Variants in CRISPLD2 observed in about 807,000 individuals in gnomAD.
CRISPLD2 encodes cysteine-rich secretory protein LCCL domain-containing 2.
CRISPLD2 carries 47 observed loss-of-function variants against 71.1 expected under a neutral mutation model. The ratio of observed to expected loss-of-function variants is 0.66; its 90% CI spans 0.52 to 0.84. The LOEUF is 0.84. CRISPLD2 is among the 40% of genes least tolerant of loss of function. The probability of loss-of-function intolerance (pLI) is 0.00; values close to 1 mark genes in which losing one functional copy is unlikely to be tolerated. For missense variants in CRISPLD2, 830 were observed against 651.1 expected (o/e 1.27, Z -2.99); for synonymous variants, 317 against 250.1 (o/e 1.27, Z -2.52).
intron 12 of CRISPLD2, among the ~76,000 whole-genome samples, chr16:84,878,105 T>C (rs1335584990): frequency 6.6e-6 from 1 of 150,686 alleles, no homozygotes; most frequent in East Asian, 1.9e-4. Context: ...GCGCCTGTAT[T>C]CCCAGCTACT....
In CRISPLD2 at chr16:84,833,660, G is replaced by A. The variant is rs375392232; in HGVS notation, c.-74-4762G>A. Among the ~76,000 whole-genome samples, 24 of 152,316 alleles carry A rather than the reference G, an allele frequency of 1.6e-4. No individual in the cohort carries two copies. In the East Asian group the frequency reaches 2.7e-3, roughly 17 times the overall value. On this transcript the variant is annotated intron_variant, in intron 1 of 14. Coordinates refer to ENST00000262424, the MANE Select transcript of CRISPLD2 (RefSeq NM_031476.4). ...TGCAGGGGGCATCCATCTGCCAGAG[G>A]TCAGAGGTCAGAGATCAGCTCATCA...
chr16:84,869,890 G>T lies in CRISPLD2; in HGVS notation c.914+979G>T, dbSNP rs941554814. Among the ~76,000 whole-genome samples, 3 of 152,232 alleles carry T rather than the reference G, an allele frequency of 2.0e-5. No homozygotes were observed. In the South Asian group the frequency reaches 6.2e-4, roughly 32 times the overall value. On this transcript the variant is annotated intron_variant, in intron 8 of 14. Coordinates refer to ENST00000262424, the MANE Select transcript of CRISPLD2 (RefSeq NM_031476.4). ...TGGAAAAAGGTGAGCACGTATTGGA[G>T]AACATTCCTTGTCAGACAACATCGA...
chr16:84,897,244 G>A (rs1372841845), intron 14 of CRISPLD2, among the ~76,000 whole-genome samples: 1 of 148,102 alleles, frequency 6.8e-6, no homozygotes, highest in Non-Finnish European at 1.5e-5. Context: ...AGGAGTTCAA[G>A]ACCAGCTTGA....
intron 14 of CRISPLD2, among the ~76,000 whole-genome samples, chr16:84,889,908 A>G (rs1402164635): frequency 1.3e-5 from 2 of 151,992 alleles, no homozygotes; most frequent in Admixed American, 1.3e-4. Context: ...AGTCCAACAG[A>G]CCTGGGCCCT....
At chr16:84,889,825 T>C (rs2071646153) in intron 14 of CRISPLD2, among the ~76,000 whole-genome samples, 1 of 151,280 alleles carries the variant, frequency 6.6e-6, no homozygotes, top group Non-Finnish European at 1.5e-5. Context: ...GATCAAATGA[T>C]AGTTACATAC....
rs1239115398 is a variant in CRISPLD2 at position 84,838,667 on chromosome 16, G to A, written c.172G>A (p.Glu58Lys). ...AGCCATCCCCAGGGAGGACAAGGAG[G>A]AGATCCTCATGCTGCACAACAAGCT... ...RRAIPREDKE[E>K]ILMLHNKLRG... is the part of the protein sequence containing the mutation. The change falls in exon 2 of 15, where the codon GAG becomes AAG. Residue 58 changes from glutamate to lysine, a missense_variant. Physicochemically the swap from Glu to Lys is moderately conservative, Grantham distance 56. Coordinates refer to ENST00000262424, the MANE Select transcript of CRISPLD2 (RefSeq NM_031476.4). 6.2e-7 allele frequency: 1 copy of A among 1,614,114 alleles called. No individual in the cohort carries two copies. Among genetic ancestry groups the A allele is most frequent in the Non-Finnish European group, 8.5e-7 (1 of 1,180,054 alleles).
At chr16:84,858,740 G>A (rs182253767) in intron 6 of CRISPLD2, among the ~76,000 whole-genome samples, 2 of 152,228 alleles carry the variant, frequency 1.3e-5, no homozygotes, top group East Asian at 3.8e-4. Context: ...AAGATACATT[G>A]CTGGCCTTTC....
chr16:84,891,788 G>T (rs146090602), intron 14 of CRISPLD2, among the ~76,000 whole-genome samples: 2,019 of 152,092 alleles, frequency 0.013, 11 homozygotes, highest in South Asian at 0.037. Context: ...TGGAGAGAAG[G>T]CCCCCGAAGC....
In CRISPLD2 at chr16:84,906,791, G is replaced by A. The variant is rs756890289; in HGVS notation, c.*149G>A. On this transcript the variant is annotated 3_prime_UTR_variant, in exon 15 of 15. Transcript: ENST00000262424. ...CCATCACTTTGTGGCCTGTGGGTGA[G>A]GTGACATCTCATCCCCTCACTGAAG... 2 of 893,204 alleles carry A rather than the reference G, an allele frequency of 2.2e-6. No individual in the cohort carries two copies. Among genetic ancestry groups the A allele is most frequent in the Non-Finnish European group, 3.6e-6 (2 of 548,650 alleles). The allele number at this position is 893,204 out of a possible 1,614,324, so 55.3% of individuals were successfully genotyped here.
chr16:84,864,150 C>T (rs1284502173), intron 6 of CRISPLD2, among the ~76,000 whole-genome samples: 1 of 152,062 alleles, frequency 6.6e-6, no homozygotes, highest in African/African-American at 2.4e-5. Flanking sequence ...GAGACCCTGG[C>T]CCGGAGCAGA....
chr16:84,833,845 G>A (rs1364041390), intron 1 of CRISPLD2, among the ~76,000 whole-genome samples: 3 of 152,168 alleles, frequency 2.0e-5, no homozygotes, highest in East Asian at 1.9e-4. Flanking sequence ...CGGGAGGCCC[G>A]TGCCCTGACT....
In CRISPLD2 at chr16:84,833,007, G is replaced by A. The variant is rs896584853; in HGVS notation, c.-74-5415G>A. 3.5e-4 allele frequency among the ~76,000 whole-genome samples: 53 copies of A among 152,210 alleles called. 1 individual carries two copies. Among genetic ancestry groups the A allele is most frequent in the African/African-American group, 1.2e-3 (51 of 41,456 alleles). ...GTTGGAGAGCTCATAGTGCAAACAA[G>A]CTGTGTTGAAAGTCCTCCAAACTTT... is the stretch of plus-strand genomic sequence containing the variant. On this transcript the variant is annotated intron_variant, in intron 1 of 14. Coordinates refer to ENST00000262424, the MANE Select transcript of CRISPLD2 (RefSeq NM_031476.4).
intron 9 of CRISPLD2, 51 bp downstream of exon 9, chr16:84,872,559 T>C (rs2071480919): frequency 1.3e-6 from 2 of 1,485,800 alleles, no homozygotes; most frequent in Non-Finnish European, 1.9e-6. Context: ...TCCTGTTGCA[T>C]ATGTTTAAAG....
intron 1 of CRISPLD2, among the ~76,000 whole-genome samples, chr16:84,824,371 T>A (rs1006562688): frequency 2.0e-5 from 3 of 152,248 alleles, no homozygotes; most frequent in African/African-American, 7.2e-5. Context: ...CAGCTCACTC[T>A]AGAATGAACT....
chr16:84,833,860 C>T (rs1467267802), intron 1 of CRISPLD2, among the ~76,000 whole-genome samples: 3 of 152,200 alleles, frequency 2.0e-5, no homozygotes, highest in African/African-American at 7.2e-5. Flanking sequence ...CTGACTCCCC[C>T]AGCCCAGCAG....
intron 14 of CRISPLD2, among the ~76,000 whole-genome samples, chr16:84,903,374 A>T (rs2071772493): frequency 6.6e-6 from 1 of 152,038 alleles, no homozygotes; most frequent in Non-Finnish European, 1.5e-5. Flanking sequence ...CAGGCGTTTG[A>T]GACCAGCCCG....
At chr16:84,887,525 G>A (rs896844793) in intron 13 of CRISPLD2, among the ~76,000 whole-genome samples, 3 of 152,250 alleles carry the variant, frequency 2.0e-5, no homozygotes, top group African/African-American at 7.2e-5. Flanking sequence ...GTGAGCCTGG[G>A]TGAGCCTGTT....
intron 11 of CRISPLD2, 145 bp downstream of exon 11, chr16:84,874,108 C>T (rs1408704248): frequency 1.2e-5 from 9 of 779,590 alleles, no homozygotes; most frequent in East Asian, 2.6e-5. Context: ...TTTTTCAAGA[C>T]GTCATCTCTT....
chr16:84,899,877 A>T (rs1300957693), intron 14 of CRISPLD2, among the ~76,000 whole-genome samples: 1 of 152,188 alleles, frequency 6.6e-6, no homozygotes, highest in African/African-American at 2.4e-5. Context: ...CAGGAGGGAC[A>T]CAGACCCCTG....
Sources: allele counts gnomAD v4.1 joint callset (sites outside exome capture counted in the v4.1 genomes callset), GRCh38; gene constraint gnomAD v4.1.1; transcripts MANE v1.5; gene names NCBI Gene and HGNC (gene_info 2026-07-23, HGNC 2026-07-21).